Variants in ANO10 observed in about 807,000 individuals in gnomAD.
ANO10 encodes the protein anoctamin-10.
A neutral mutation model predicts 74.7 loss-of-function variants in ANO10; 77 were observed. That is an observed-to-expected ratio of 1.03 (90% CI 0.86 to 1.25). ANO10 has a LOEUF of 1.25. Ranked by LOEUF, ANO10 falls within the 50% of genes most tolerant of loss-of-function variation. ANO10 has a pLI of 0.00. For missense variants in ANO10, 721 were observed against 778.1 expected, an observed-to-expected ratio of 0.93 and a Z score of 0.87; for synonymous variants, 279 against 284.9, an observed-to-expected ratio of 0.98 and a Z score of 0.21.
intron 1 of ANO10, among the ~76,000 whole-genome samples, chr3:43,644,539 T>C (rs1305669813): frequency 2.0e-5 from 3 of 152,216 alleles, no homozygotes; most frequent in East Asian, 3.9e-4. Context: ...ATCCAAGATC[T>C]GGCCTACCTG....
intron 11 of ANO10, among the ~76,000 whole-genome samples, chr3:43,518,411 C>T (rs139785708): frequency 0.014 from 2,204 of 152,138 alleles, 58 homozygotes; most frequent in African/African-American, 0.05. Context: ...GTGATGATTG[C>T]GTTATCTGCA....
rs565143165 is a variant in ANO10 at position 43,566,563 on chromosome 3, C to A, written c.1219-836G>T. Reference sequence around the variant, plus strand: ...GAGCAGCCTAACTGGGAGGCACCCCCCAGCAGGGGTACACTGACACCTCAC... The same window carrying A: ...GAGCAGCCTAACTGGGAGGCACCCCACAGCAGGGGTACACTGACACCTCAC... On this transcript the variant is annotated intron_variant, in intron 7 of 12. Transcript: ENST00000292246. Among the ~76,000 whole-genome samples, 105 of 152,332 alleles carry A rather than the reference C, an allele frequency of 6.9e-4. No homozygotes were observed. The East Asian group carries it at 0.017, about 25-fold the overall frequency.
At position 43,440,176 on chromosome 3, in the gene ANO10, C is replaced by T. The variant is rs144610848; in HGVS notation, c.1798-7449G>A. Among the ~76,000 whole-genome samples the T allele has an allele frequency of 5.2e-3, 787 of 152,100 alleles. 24 individuals carry two copies. Among genetic ancestry groups the T allele is most frequent in the Admixed American group, 0.041 (630 of 15,276 alleles). On this transcript the variant is annotated intron_variant, in intron 11 of 12. Coordinates refer to ENST00000292246, the MANE Select transcript of ANO10 (RefSeq NM_018075.5). ...GACATACTGAAAGCAATGAACAAAACGGCAATTGTAAGTCTGCTCTATCAG... is the reference window on the plus strand; with the variant it reads ...GACATACTGAAAGCAATGAACAAAATGGCAATTGTAAGTCTGCTCTATCAG...
chr3:43,623,180 T>G (rs1355392381), upstream of ANO10, among the ~76,000 whole-genome samples: 1 of 152,204 alleles, frequency 6.6e-6, no homozygotes, highest in African/African-American at 2.4e-5. Flanking sequence ...TTAAGTGTTT[T>G]TAGTTACCCA....
At chr3:43,616,713 T>C (rs902945969) in intron 1 of ANO10, among the ~76,000 whole-genome samples, 7 of 152,142 alleles carry the variant, frequency 4.6e-5, no homozygotes, top group African/African-American at 9.7e-5. Flanking sequence ...CACTCTACAC[T>C]TGTGCCAGCC....
At chr3:43,643,993 G>C (rs577280699) in intron 1 of ANO10, among the ~76,000 whole-genome samples, 2 of 152,134 alleles carry the variant, frequency 1.3e-5, no homozygotes, top group Admixed American at 6.5e-5. Flanking sequence ...ACTTGAAATT[G>C]GTCTCTCCTG....
At chr3:43,494,440 C>T (rs866975224) in intron 11 of ANO10, among the ~76,000 whole-genome samples, 7 of 151,234 alleles carry the variant, frequency 4.6e-5, no homozygotes, top group African/African-American at 1.5e-4. Context: ...GCAACAAGAG[C>T]GAAACTCCAT....
chr3:43,518,123 T>C (rs917725402), intron 11 of ANO10, among the ~76,000 whole-genome samples: 3 of 152,138 alleles, frequency 2.0e-5, no homozygotes, highest in African/African-American at 7.2e-5. Flanking sequence ...TGGGCAAGTG[T>C]TGTGGGAAGT....
chr3:43,687,662 G>A (rs1178486224), intron 1 of ANO10, among the ~76,000 whole-genome samples: 2 of 152,172 alleles, frequency 1.3e-5, no homozygotes, highest in African/African-American at 4.8e-5. Context: ...ATCTCCAAAT[G>A]TAAGCACTGC....
At chr3:43,672,700 C>A (rs915233682) in intron 1 of ANO10, among the ~76,000 whole-genome samples, 1 of 152,144 alleles carries the variant, frequency 6.6e-6, no homozygotes, top group African/African-American at 2.4e-5. Context: ...TCATCCATTT[C>A]TTTGTGTATT....
chr3:43,469,038 C>CTTTTTTTT (rs371985258), intron 11 of ANO10, among the ~76,000 whole-genome samples: 2 of 70,338 alleles, frequency 2.8e-5, no homozygotes, highest in Admixed American at 2.4e-4. Flanking sequence ...CAATTAGCTG[C>CTTTTTTTT]TTTTTTTTTT....
chr3:43,480,073 G>A (rs541628986), intron 11 of ANO10, among the ~76,000 whole-genome samples: 3 of 152,202 alleles, frequency 2.0e-5, no homozygotes, highest in Admixed American at 2.0e-4. Context: ...AAAGGAGGTG[G>A]GAACATTCAG....
chr3:43,529,391 T>C (rs570229390), intron 11 of ANO10, among the ~76,000 whole-genome samples: 1 of 152,330 alleles, frequency 6.6e-6, no homozygotes, highest in African/African-American at 2.4e-5. Flanking sequence ...GTGGGGTTCA[T>C]GGCCCACAGC....
chr3:43,494,361 G>C (rs2076839184), intron 11 of ANO10, among the ~76,000 whole-genome samples: 1 of 152,200 alleles, frequency 6.6e-6, no homozygotes, highest in Non-Finnish European at 1.5e-5. Context: ...GCTGAGGCAG[G>C]AGAATTGCTT....
intron 12 of ANO10, among the ~76,000 whole-genome samples, chr3:43,373,164 GA>G (rs11334795): frequency 0.98 from 148,474 of 151,948 alleles, 72,633 homozygotes; most frequent in East Asian, 1. Context: ...GAAGCTGGGT[GA>G]AGGGGTGGGT....
In ANO10 at chr3:43,484,964, C is replaced by T; in HGVS notation, c.1798-52237G>A. The T allele has an allele frequency of 2.3e-6, 3 of 1,291,090 alleles. No individual in the cohort carries two copies. In the East Asian group the frequency reaches 7.5e-5, roughly 32 times the overall value. 80.0% of individuals were successfully genotyped at this position (1,291,090 alleles called of 1,614,324 possible). ...TATTTGGGGCCCACCCAGGCAAGGG[C>T]CCTGCACCTAGAAGAAGGTGTTGGG... On this transcript the variant is annotated intron_variant, in intron 11 of 12. Coordinates refer to ENST00000292246, the MANE Select transcript of ANO10 (RefSeq NM_018075.5).
At chr3:43,657,650 C>T (rs1432416889) in intron 1 of ANO10, among the ~76,000 whole-genome samples, 1 of 152,180 alleles carries the variant, frequency 6.6e-6, no homozygotes, top group African/African-American at 2.4e-5. Flanking sequence ...GCGGCATCTG[C>T]CCATATACTT....
intron 11 of ANO10, among the ~76,000 whole-genome samples, chr3:43,517,459 C>T (rs571459856): frequency 6.6e-6 from 1 of 151,918 alleles, no homozygotes; most frequent in Admixed American, 6.6e-5. Context: ...GGAGACAGGG[C>T]CTACAAGAAG....
At chr3:43,408,889 G>A (rs558083775) in intron 12 of ANO10, among the ~76,000 whole-genome samples, 43 of 152,032 alleles carry the variant, frequency 2.8e-4, no homozygotes, top group Non-Finnish European at 5.9e-4. Context: ...AGATTAGCCT[G>A]GGTGTGGTGG....
Sources: gnomAD v4.1 joint callset for allele counts (sites outside exome capture counted in the v4.1 genomes callset) on GRCh38, gnomAD v4.1.1 for gene constraint, MANE v1.5 for transcripts, NCBI Gene and HGNC (gene_info 2026-07-23, HGNC 2026-07-21) for gene names.